The following WWC1 variants were observed in gnomAD, a reference collection of about 807,000 sequenced individuals.
WWC1 encodes the protein protein KIBRA.
A neutral mutation model predicts 138.4 loss-of-function variants in WWC1; 55 were observed. That is an observed-to-expected ratio of 0.40 (90% CI 0.32 to 0.50). The LOEUF (loss-of-function observed/expected upper bound fraction) is 0.50, where lower values mean the gene tolerates loss of function less well. WWC1 is among the 20% of genes least tolerant of loss of function. WWC1 has a pLI of 0.72. For synonymous variants in WWC1, 524 were observed against 564.9 expected, an observed-to-expected ratio of 0.93 and a Z score of 1.03; for missense variants, 1,226 against 1,420.4, an observed-to-expected ratio of 0.86 and a Z score of 2.20.
At chr5:168,425,394 A>C (rs1011047324) in intron 11 of WWC1, among the ~76,000 whole-genome samples, 9 of 152,118 alleles carry the variant, frequency 5.9e-5, no homozygotes, top group South Asian at 2.1e-4. Context: ...CATAGCTATG[A>C]TATATAGCGT....
intron 4 of WWC1, 64 bp from the exon 5 acceptor site, chr5:168,399,424 A>G (rs1441210546): frequency 6.3e-7 from 1 of 1,582,550 alleles, no homozygotes. Context: ...TTCCAGGGAG[A>G]AGGCAGCCTG....
At chr5:168,321,601 G>A (rs964370034) in intron 1 of WWC1, among the ~76,000 whole-genome samples, 2 of 149,226 alleles carry the variant, frequency 1.3e-5, no homozygotes, top group Non-Finnish European at 1.5e-5. Flanking sequence ...ATGATGACAC[G>A]ATCTCGGCCC....
intron 9 of WWC1, among the ~76,000 whole-genome samples, chr5:168,420,344 G>A (rs1011124168): frequency 8.5e-5 from 13 of 152,152 alleles, no homozygotes; most frequent in African/African-American, 2.7e-4. Context: ...GTCTTCCCCC[G>A]TGCCTGTGCC....
In WWC1 at chr5:168,428,244, T is replaced by C. The variant is rs575737192; in HGVS notation, c.1919+103T>C. ...GAGGCTTAGGTTTTGGCCCCCACAG[T>C]GTGTGGGAGGAGCCCCAAGAGGGCA... is the stretch of plus-strand genomic sequence containing the variant. On this transcript the variant is annotated intron_variant, in intron 12 of 22. Coordinates refer to ENST00000265293, the MANE Select transcript of WWC1 (RefSeq NM_015238.3). 439 of 1,165,656 alleles carry C rather than the reference T, an allele frequency of 3.8e-4. 1 individual carries two copies. The African/African-American group carries it at 5.3e-3, about 14-fold the overall frequency. 72.2% of individuals were successfully genotyped at this position (1,165,656 alleles called of 1,614,324 possible).
chr5:168,339,906 TTTC>T (rs1561630483), intron 1 of WWC1, among the ~76,000 whole-genome samples: 7 of 80,698 alleles, frequency 8.7e-5, no homozygotes, highest in Middle Eastern at 6.1e-3. Flanking sequence ...TCTCTCTCTC[TTTC>T]TCTCTCTCTC....
chr5:168,456,368 C>T (rs760183799), intron 19 of WWC1, among the ~76,000 whole-genome samples: 1 of 152,088 alleles, frequency 6.6e-6, no homozygotes, highest in Non-Finnish European at 1.5e-5. Context: ...CGCAGTGGCT[C>T]ATGCCTGTAA....
intron 1 of WWC1, among the ~76,000 whole-genome samples, chr5:168,351,964 C>T (rs931226635): frequency 6.6e-6 from 1 of 152,114 alleles, no homozygotes; most frequent in Non-Finnish European, 1.5e-5. Flanking sequence ...GTAACCCTCC[C>T]GTGGCAGCTG....
chr5:168,384,454 G>T (rs1250464459), intron 2 of WWC1, among the ~76,000 whole-genome samples: 1 of 152,044 alleles, frequency 6.6e-6, no homozygotes, highest in Non-Finnish European at 1.5e-5. Flanking sequence ...ACATTTTAAG[G>T]CTCTTAATTT....
chr5:168,354,610 ATGTT>A (rs930520150), intron 1 of WWC1, among the ~76,000 whole-genome samples: 4 of 152,280 alleles, frequency 2.6e-5, no homozygotes, highest in African/African-American at 9.6e-5. Flanking sequence ...AGACCTTTGA[ATGTT>A]TGTCATGGAC....
At chr5:168,317,367 G>A (rs1288455934) in intron 1 of WWC1, among the ~76,000 whole-genome samples, 3 of 152,180 alleles carry the variant, frequency 2.0e-5, no homozygotes, top group Admixed American at 6.5e-5. Context: ...GCAGTGCCTG[G>A]AATTCAGGCA....
intron 19 of WWC1, among the ~76,000 whole-genome samples, chr5:168,456,768 GT>G (rs1756364092): frequency 6.7e-6 from 1 of 148,360 alleles, no homozygotes; most frequent in Non-Finnish European, 1.5e-5. Flanking sequence ...AGAGAAGAAT[GT>G]CACTCATCAG....
At chr5:168,434,949 C>T (rs1167916239) in intron 15 of WWC1, among the ~76,000 whole-genome samples, 2 of 152,148 alleles carry the variant, frequency 1.3e-5, no homozygotes, top group African/African-American at 4.8e-5. Flanking sequence ...TTGGCAAAAC[C>T]CAGCCCTGTC....
chr5:168,388,577 C>T (rs1778217286), intron 3 of WWC1, among the ~76,000 whole-genome samples: 1 of 152,110 alleles, frequency 6.6e-6, no homozygotes, highest in Admixed American at 6.5e-5. Context: ...CACCTGTAAT[C>T]CCAGCAATTT....
chr5:168,468,148 G>A (rs771724929), intron 22 of WWC1, among the ~76,000 whole-genome samples, 184 bp downstream of exon 22: 51 of 152,354 alleles, frequency 3.3e-4, no homozygotes, highest in Non-Finnish European at 1.3e-4. Flanking sequence ...TCTTCCCTTG[G>A]CTGTCTTTAT....
intron 1 of WWC1, among the ~76,000 whole-genome samples, chr5:168,368,552 T>C (rs1776500287): frequency 6.6e-6 from 1 of 152,212 alleles, no homozygotes; most frequent in South Asian, 2.1e-4. Context: ...ACAGTGCAGG[T>C]GGAGGAATGA....
chr5:168,438,681 T>G (rs1000949233), intron 15 of WWC1, among the ~76,000 whole-genome samples: 1 of 151,852 alleles, frequency 6.6e-6, no homozygotes, highest in Non-Finnish European at 1.5e-5. Context: ...TAGGGGAAGG[T>G]GAGCTGACCA....
At chr5:168,319,297 G>A (rs1300729516) in intron 1 of WWC1, among the ~76,000 whole-genome samples, 1 of 152,152 alleles carries the variant, frequency 6.6e-6, no homozygotes, top group Non-Finnish European at 1.5e-5. Context: ...GCGGGTGCCT[G>A]TAATCCCAGC....
At chr5:168,382,220 A>C (rs375325008) in intron 2 of WWC1, among the ~76,000 whole-genome samples, 4 of 152,198 alleles carry the variant, frequency 2.6e-5, no homozygotes, top group Non-Finnish European at 5.9e-5. Context: ...TCATTTGGAG[A>C]TGAAAACAAG....
chr5:168,319,377 A>G (rs886908339), intron 1 of WWC1, among the ~76,000 whole-genome samples: 4 of 152,192 alleles, frequency 2.6e-5, no homozygotes, highest in African/African-American at 9.6e-5. Flanking sequence ...CCGAGATTGC[A>G]ACACTGCACT....
Sources: gnomAD v4.1 joint callset for allele counts (sites outside exome capture counted in the v4.1 genomes callset) on GRCh38, gnomAD v4.1.1 for gene constraint, MANE v1.5 for transcripts, NCBI Gene and HGNC (gene_info 2026-07-23, HGNC 2026-07-21) for gene names.